Variants in DPP6 observed in about 807,000 individuals in gnomAD.
DPP6 encodes the protein A-type potassium channel modulatory protein DPP6.
Under a neutral mutation model 122.6 loss-of-function variants are expected in DPP6, and 69 were observed. The observed-to-expected ratio is 0.56, with a 90% CI of 0.46 to 0.69. DPP6 has a LOEUF of 0.69. Among genes scored for constraint, DPP6 ranks in the 30% least tolerant of loss-of-function variants. The pLI is 0.00. For missense variants in DPP6, 928 were observed against 1,116.9 expected (o/e 0.83, Z 2.41); for synonymous variants, 418 against 433.1 (o/e 0.97, Z 0.43).
chr7:154,067,484 G>T (rs1802813800), intron 1 of DPP6, among the ~76,000 whole-genome samples: 1 of 152,052 alleles, frequency 6.6e-6, no homozygotes, highest in African/African-American at 2.4e-5. Flanking sequence ...ATCAGGGAGA[G>T]GTCAGAGTAT....
rs1218611055 is a variant in DPP6, at chr7:154,431,451, CT to C, written c.244-14759del. The stretch of plus-strand genomic sequence containing the variant: ...GCTCTGTTTTTCTTTCCTTTCTTTT[CT>C]TTTCTTTTCTTTTCTTTTCTTTTCT... On this transcript the variant is annotated intron_variant, in intron 1 of 25. Transcript: ENST00000377770. 1.7e-3 allele frequency among the ~76,000 whole-genome samples: 25 copies of C among 14,974 alleles called. 1 individual carries two copies. Among genetic ancestry groups the C allele is most frequent in the East Asian group, 7.8e-3 (18 of 2,312 alleles). 9.8% of individuals were successfully genotyped at this position (14,974 alleles called of 152,430 possible).
chr7:154,588,740 A>C (rs978254086), intron 5 of DPP6: 1 of 152,216 alleles, frequency 6.6e-6, no homozygotes, highest in African/African-American at 2.4e-5. Flanking sequence ...GTCTTTCTCC[A>C]TGTGTCTGAA....
chr7:154,011,165 C>G (rs1368865205), intron 1 of DPP6, among the ~76,000 whole-genome samples: 1 of 152,206 alleles, frequency 6.6e-6, no homozygotes, highest in Non-Finnish European at 1.5e-5. Flanking sequence ...AAAGTCCTGA[C>G]AAATTACTCC....
chr7:154,225,483 C>T lies in DPP6; in HGVS notation c.243+172420C>T, dbSNP rs149382608. ...TTATCCAGGTTCGTTTTGGCTTTTA[C>T]GATTGTTTAATTCTACTTTTTCAAT... On this transcript the variant is annotated intron_variant, in intron 1 of 25. Transcript: ENST00000377770. 5.2e-3 allele frequency among the ~76,000 whole-genome samples: 788 copies of T among 152,072 alleles called. 3 individuals are homozygous for T. The highest frequency in any genetic ancestry group is 0.018 in the African/African-American group (750 of 41,466).
At position 154,375,254 on chromosome 7, in the gene DPP6, A is replaced by T. The variant is rs917227149; in HGVS notation, c.244-70960A>T. ...AAATATTCCAAGCAGAGGGAAGAGC[A>T]AATTCTAGAACCCTTGAGTGGCTAT... On this transcript the variant is annotated intron_variant, in intron 1 of 25. Coordinates refer to ENST00000377770, the MANE Select transcript of DPP6 (RefSeq NM_130797.4). Among the ~76,000 whole-genome samples, 4 of 152,030 alleles carry T rather than the reference A, an allele frequency of 2.6e-5. No individual in the cohort carries two copies. The East Asian group carries it at 7.8e-4, about 30-fold the overall frequency.
chr7:154,040,010 G>A (rs146297438), intron 1 of DPP6, among the ~76,000 whole-genome samples: 20,554 of 110,726 alleles, frequency 0.19, 6,882 homozygotes, highest in Middle Eastern at 0.27. Context: ...CCCCCAAGTG[G>A]CGATGTCAAG....
chr7:154,757,690 GTC>G (rs1795222312), intron 8 of DPP6, among the ~76,000 whole-genome samples: 1 of 152,178 alleles, frequency 6.6e-6, no homozygotes, highest in Non-Finnish European at 1.5e-5. Context: ...CCTCTGGAGA[GTC>G]TGCCTCACAG....
intron 1 of DPP6, among the ~76,000 whole-genome samples, chr7:153,930,424 C>G (rs1287194811): frequency 6.6e-6 from 1 of 152,180 alleles, no homozygotes; most frequent in Non-Finnish European, 1.5e-5. Context: ...CTGATGTTCT[C>G]AGCAGGATAT....
At chr7:153,786,040 C>T in the DPP6 span, among the ~76,000 whole-genome samples, 27 of 152,022 alleles carry the variant, frequency 1.8e-4, no homozygotes, top group Admixed American at 9.8e-4. Context: ...TTGCTAAGAC[C>T]GACATATTTT....
intron 18 of DPP6, 128 bp downstream of exon 18, chr7:154,868,221 C>T (rs1350657622): frequency 2.4e-6 from 3 of 1,249,074 alleles, no homozygotes; most frequent in African/African-American, 3.0e-5. Flanking sequence ...ATCTTTGCCC[C>T]TCAGCTCCTC....
chr7:154,177,961 A>C (rs1392173688), intron 1 of DPP6, among the ~76,000 whole-genome samples: 2 of 152,114 alleles, frequency 1.3e-5, no homozygotes, highest in African/African-American at 4.8e-5. Context: ...GTGAGGCAGG[A>C]ACATTGTGGC....
At chr7:154,352,035 C>T (rs568291733) in intron 1 of DPP6, among the ~76,000 whole-genome samples, 4 of 152,240 alleles carry the variant, frequency 2.6e-5, no homozygotes, top group African/African-American at 7.2e-5. Context: ...CCTTTGGGCA[C>T]TGCTGGTGGC....
intron 1 of DPP6, among the ~76,000 whole-genome samples, chr7:154,330,769 G>A (rs962552380): frequency 1.3e-5 from 2 of 152,234 alleles, no homozygotes; most frequent in Non-Finnish European, 2.9e-5. Flanking sequence ...CGCCTGCGGT[G>A]TTCTGCGTCT....
chr7:154,571,894 G>A (rs1012464978), intron 5 of DPP6, among the ~76,000 whole-genome samples: 1 of 152,130 alleles, frequency 6.6e-6, no homozygotes, highest in African/African-American at 2.4e-5. Context: ...AGTTTCTGCT[G>A]GTCGGAAATC....
chr7:153,916,232 C>G (rs1005293771), intron 1 of DPP6, among the ~76,000 whole-genome samples: 2 of 152,034 alleles, frequency 1.3e-5, no homozygotes, highest in Non-Finnish European at 2.9e-5. Context: ...CTTGGCCTCA[C>G]AAAGTGCTGG....
chr7:154,318,927 A>G (rs995866232), intron 1 of DPP6, among the ~76,000 whole-genome samples: 1 of 152,166 alleles, frequency 6.6e-6, no homozygotes, highest in African/African-American at 2.4e-5. Context: ...GATGTGGGTG[A>G]TGGGCTTATG....
At chr7:154,628,434 C>A (rs895265736) in intron 5 of DPP6, among the ~76,000 whole-genome samples, 1 of 152,168 alleles carries the variant, frequency 6.6e-6, no homozygotes, top group Non-Finnish European at 1.5e-5. Context: ...TCTCAGGTAG[C>A]TTTGTTTCCA....
chr7:154,559,105 C>T (rs887538222), intron 4 of DPP6, among the ~76,000 whole-genome samples: 1 of 151,142 alleles, frequency 6.6e-6, no homozygotes, highest in Non-Finnish European at 1.5e-5. Context: ...AGCAGAAAAA[C>T]ACATGAAAAC....
intron 1 of DPP6, among the ~76,000 whole-genome samples, chr7:153,952,242 G>A (rs927163326): frequency 1.2e-4 from 19 of 152,146 alleles, no homozygotes; most frequent in Admixed American, 6.5e-5. Context: ...GATATCAAAA[G>A]CAATTTTCTA....
Sources: gnomAD v4.1 joint callset for allele counts (sites outside exome capture counted in the v4.1 genomes callset) on GRCh38, gnomAD v4.1.1 for gene constraint, MANE v1.5 for transcripts, NCBI Gene and HGNC (gene_info 2026-07-23, HGNC 2026-07-21) for gene names.